Variants in DIAPH2 observed in about 807,000 individuals in gnomAD.
DIAPH2 encodes diaphanous related formin 2.
DIAPH2 carries 35 observed loss-of-function variants against 92.7 expected under a neutral mutation model. The observed-to-expected ratio is 0.38, with a 90% confidence interval of 0.29 to 0.50. DIAPH2 has a LOEUF of 0.50. Ranked by LOEUF, DIAPH2 falls within the 20% of genes least tolerant of loss-of-function variation. The pLI is 0.94. For synonymous variants in DIAPH2, 301 were observed against 280.4 expected (o/e 1.07, Z -0.73); for missense variants, 701 against 819.5 (o/e 0.86, Z 1.77).
chrX:96,874,459 T>A (rs895975188), intron 4 of DIAPH2, among the ~76,000 whole-genome samples: 1 of 112,112 alleles, frequency 8.9e-6, no homozygotes, highest in African/African-American at 3.2e-5. Context: ...AACACTAGTT[T>A]TAAAAGAGAA....
intron 4 of DIAPH2, among the ~76,000 whole-genome samples, chrX:96,837,877 A>G (rs970033355): frequency 1.8e-5 from 2 of 111,644 alleles, no homozygotes; most frequent in Non-Finnish European, 3.8e-5. Flanking sequence ...TTGATCCCCT[A>G]CTTATTAGGC....
At chrX:96,961,401 CT>C (rs767876661) in intron 16 of DIAPH2, among the ~76,000 whole-genome samples, 37 of 78,087 alleles carry the variant, frequency 4.7e-4, no homozygotes, top group African/African-American at 8.1e-4. Flanking sequence ...TTAGGTCTTT[CT>C]TTTTTTTTTT....
intron 23 of DIAPH2, among the ~76,000 whole-genome samples, chrX:97,269,531 C>T (rs1021958700): frequency 2.7e-5 from 3 of 111,561 alleles, no homozygotes; most frequent in African/African-American, 9.8e-5. Flanking sequence ...ATCATTTAAT[C>T]CTGTTCATTC....
At chrX:97,572,197 C>T (rs2071374676) in intron 26 of DIAPH2, among the ~76,000 whole-genome samples, 1 of 109,432 alleles carries the variant, frequency 9.1e-6, no homozygotes, top group Non-Finnish European at 1.9e-5. Flanking sequence ...TGAAGGGAGG[C>T]AAGGGGCAAG....
intron 22 of DIAPH2, among the ~76,000 whole-genome samples, chrX:97,184,767 T>C (rs752158518): frequency 3.4e-4 from 38 of 111,920 alleles, no homozygotes; most frequent in African/African-American, 1.2e-3. Flanking sequence ...GATTGGAATA[T>C]GGTAGGAAAC....
intron 19 of DIAPH2, 63 bp downstream of exon 19, chrX:97,075,324 C>A: frequency 1.5e-6 from 1 of 656,667 alleles, no homozygotes; most frequent in Non-Finnish European, 2.3e-6. Flanking sequence ...ATTCTCTTCT[C>A]AATGGAGTTG....
chrX:96,884,995 G>A (rs747801103), intron 5 of DIAPH2: 4 of 1,208,634 alleles, frequency 3.3e-6, no homozygotes, highest in African/African-American at 3.5e-5. Context: ...TCAGCTCTGC[G>A]ACCTTAGCGT....
intron 10 of DIAPH2, among the ~76,000 whole-genome samples, chrX:96,932,880 T>C (rs1295215933): frequency 9.0e-6 from 1 of 111,449 alleles, no homozygotes; most frequent in Non-Finnish European, 1.9e-5. Context: ...TTATTACTTC[T>C]ATCAAACTGT....
intron 10 of DIAPH2, 47 bp downstream of exon 10, chrX:96,930,890 T>G: frequency 1.8e-6 from 2 of 1,120,486 alleles, no homozygotes; most frequent in Non-Finnish European, 2.4e-6. Context: ...TTTAAAATTT[T>G]TTTCACTTCC....
chrX:96,925,007 T>C (rs1402643247), intron 9 of DIAPH2, among the ~76,000 whole-genome samples: 1 of 111,051 alleles, frequency 9.0e-6, no homozygotes, highest in Non-Finnish European at 1.9e-5. Context: ...ATTTCTATGC[T>C]TGACCCTTAA....
rs780575418 is a variant in DIAPH2, at chrX:97,426,350, G to A, written c.3146-3300G>A. The stretch of plus-strand genomic sequence containing the variant: ...CCCAGGCTGGATGGAGTGCAGTGGC[G>A]TGATCTCGGCTCACCACAACCTCCA... On this transcript the variant is annotated intron_variant, in intron 25 of 26. Transcript: ENST00000324765. Among the ~76,000 whole-genome samples the A allele has an allele frequency of 4.6e-5, 5 of 107,683 alleles. No homozygotes were observed. The East Asian group carries it at 1.5e-3, about 32-fold the overall frequency. 93.5% of individuals were successfully genotyped at this position (107,683 alleles called of 115,157 possible). A position where few individuals can be genotyped will look rare whatever the true frequency, so the allele number is the denominator to read the frequency against.
intron 23 of DIAPH2, among the ~76,000 whole-genome samples, chrX:97,277,589 T>C (rs1190307248): frequency 9.0e-6 from 1 of 110,978 alleles, no homozygotes; most frequent in African/African-American, 3.3e-5. Flanking sequence ...GCCAGGATAA[T>C]GAATCTCAAG....
chrX:97,005,761 G>A (rs964524985), intron 17 of DIAPH2, among the ~76,000 whole-genome samples: 13 of 110,776 alleles, frequency 1.2e-4, no homozygotes, highest in African/African-American at 1.3e-4. Context: ...GGATGGTCTC[G>A]ATCTCCTGAC....
intron 23 of DIAPH2, among the ~76,000 whole-genome samples, chrX:97,281,467 G>A (rs1378590646): frequency 1.8e-5 from 2 of 111,004 alleles, no homozygotes; most frequent in African/African-American, 3.3e-5. Context: ...GAAGGAGGCC[G>A]GGCGCAGTGG....
intron 25 of DIAPH2, among the ~76,000 whole-genome samples, chrX:97,416,355 C>G (rs927869489): frequency 8.9e-6 from 1 of 112,016 alleles, no homozygotes; most frequent in Non-Finnish European, 1.9e-5. Flanking sequence ...TCACATTAGA[C>G]AAGAGGTTGA....
intron 20 of DIAPH2, among the ~76,000 whole-genome samples, chrX:97,107,768 G>A (rs1210636939): frequency 8.9e-6 from 1 of 112,008 alleles, no homozygotes; most frequent in Non-Finnish European, 1.9e-5. Context: ...AAAATACCTT[G>A]TAGCAAATAT....
chrX:96,993,495 A>G (rs2066085246), intron 17 of DIAPH2, among the ~76,000 whole-genome samples: 1 of 111,899 alleles, frequency 8.9e-6, no homozygotes, highest in Non-Finnish European at 1.9e-5. Context: ...GGAAGCAAGC[A>G]TATCTTGACA....
chrX:96,879,710 G>GAATAC (rs2065200874), intron 4 of DIAPH2, among the ~76,000 whole-genome samples: 1 of 111,184 alleles, frequency 9.0e-6, no homozygotes, highest in African/African-American at 3.3e-5. Flanking sequence ...CCATTTAGGT[G>GAATAC]ATGATGATTC....
chrX:97,274,049 GTGTGTA>G (rs1179797999), intron 23 of DIAPH2, among the ~76,000 whole-genome samples: 9 of 102,421 alleles, frequency 8.8e-5, no homozygotes, highest in South Asian at 8.6e-4. Flanking sequence ...GTGTGTGTGT[GTGTGTA>G]TAGAGAGAGA....
Sources: allele counts gnomAD v4.1 joint callset (sites outside exome capture counted in the v4.1 genomes callset), GRCh38; gene constraint gnomAD v4.1.1; transcripts MANE v1.5; gene names NCBI Gene and HGNC (gene_info 2026-07-23, HGNC 2026-07-21).